The following CADPS2 variants were observed in gnomAD, a reference collection of about 807,000 sequenced individuals.
The protein encoded by CADPS2 is calcium-dependent secretion activator 2.
In CADPS2, 93 loss-of-function variants were observed where a neutral mutation model predicts 172.5. The observed-to-expected ratio is 0.54, with a 90% CI of 0.46 to 0.64. The LOEUF is 0.64. Ranked by LOEUF, CADPS2 falls within the 30% of genes least tolerant of loss-of-function variation. The pLI is 0.00. For synonymous variants in CADPS2, 546 were observed against 555.2 expected, an observed-to-expected ratio of 0.98 and a Z score of 0.23; for missense variants, 1,420 against 1,565.9, an observed-to-expected ratio of 0.91 and a Z score of 1.57.
At chr7:122,541,815 TCATATGTTTATA>T (rs1402225951) in intron 8 of CADPS2, among the ~76,000 whole-genome samples, 10 of 59,700 alleles carry the variant, frequency 1.7e-4, no homozygotes, top group Admixed American at 1.1e-3. Context: ...ATTTATATAT[TCATATGTTTATA>T]TATTCATATG....
chr7:122,557,793 T>C (rs766745209), intron 7 of CADPS2, among the ~76,000 whole-genome samples: 3 of 152,238 alleles, frequency 2.0e-5, no homozygotes, highest in South Asian at 2.1e-4. Context: ...TTCACCAGTA[T>C]AGAACTGTTG....
At chr7:122,704,451 TTAGAGG>T (rs1176416999) in intron 2 of CADPS2, among the ~76,000 whole-genome samples, 31 of 152,136 alleles carry the variant, frequency 2.0e-4, no homozygotes, top group Admixed American at 2.0e-3. Context: ...CATCATCATA[TTAGAGG>T]TAATTTGTTA....
chr7:122,620,152 TTTTC>T (rs1281662295), intron 5 of CADPS2, among the ~76,000 whole-genome samples: 3 of 152,240 alleles, frequency 2.0e-5, no homozygotes, highest in African/African-American at 4.8e-5. Flanking sequence ...CTGTATTTAC[TTTTC>T]TTTGTCAATC....
At chr7:122,666,910 T>C (rs1488885631) in intron 2 of CADPS2, among the ~76,000 whole-genome samples, 1 of 152,088 alleles carries the variant, frequency 6.6e-6, no homozygotes, top group Admixed American at 6.5e-5. Flanking sequence ...CCTGCAACAC[T>C]TCGGTGAACT....
intron 3 of CADPS2, among the ~76,000 whole-genome samples, chr7:122,645,681 A>ATATATATATATATATC (rs796988558): frequency 1.7e-5 from 2 of 116,822 alleles, no homozygotes; most frequent in Admixed American, 9.3e-5. Flanking sequence ...ATATATATAT[A>ATATATATATATATATC]TCTTGGGATT....
At chr7:122,410,884 T>TC (rs1440721956) in intron 19 of CADPS2, among the ~76,000 whole-genome samples, 2 of 152,180 alleles carry the variant, frequency 1.3e-5, no homozygotes, top group Non-Finnish European at 2.9e-5. Flanking sequence ...TCTTACTTAG[T>TC]CCCCCAAACA....
At chr7:122,591,367 C>G (rs1236758757) in intron 6 of CADPS2, among the ~76,000 whole-genome samples, 1 of 152,104 alleles carries the variant, frequency 6.6e-6, no homozygotes, top group Admixed American at 6.6e-5. Context: ...ACATTCCATG[C>G]TCATGGTTAG....
chr7:122,512,549 T>C (rs2060077573), intron 9 of CADPS2, among the ~76,000 whole-genome samples: 1 of 152,110 alleles, frequency 6.6e-6, no homozygotes, highest in Non-Finnish European at 1.5e-5. Context: ...CATGTTCTGA[T>C]AATATATGTT....
chr7:122,623,847 T>G (rs2075828979), intron 4 of CADPS2, among the ~76,000 whole-genome samples: 1 of 152,214 alleles, frequency 6.6e-6, no homozygotes, highest in Non-Finnish European at 1.5e-5. Context: ...ATCTGAAAGT[T>G]CTGATATACT....
intron 3 of CADPS2, among the ~76,000 whole-genome samples, chr7:122,655,979 A>G (rs923308683): frequency 1.3e-5 from 2 of 152,152 alleles, no homozygotes; most frequent in Non-Finnish European, 2.9e-5. Context: ...CTTTTCTTGG[A>G]CTTCTCAGAG....
chr7:122,702,473 C>A (rs373122777), intron 2 of CADPS2: 1 of 1,613,734 alleles, frequency 6.2e-7, no homozygotes, highest in African/African-American at 1.3e-5. Context: ...TTTGGGCCTG[C>A]TGAAATTGGT....
chr7:122,559,608 A>G (rs2065467855), intron 7 of CADPS2, among the ~76,000 whole-genome samples: 1 of 151,906 alleles, frequency 6.6e-6, no homozygotes, highest in African/African-American at 2.4e-5. Flanking sequence ...CGTCTCTACT[A>G]AAAATACAAA....
At chr7:122,486,113 G>T (rs565050457) in intron 11 of CADPS2, among the ~76,000 whole-genome samples, 1 of 152,216 alleles carries the variant, frequency 6.6e-6, no homozygotes, top group African/African-American at 2.4e-5. Context: ...GGAGATTAAT[G>T]TTGTTTTCAT....
intron 1 of CADPS2, among the ~76,000 whole-genome samples, chr7:122,874,984 C>G (rs919387039): frequency 2.0e-5 from 3 of 151,984 alleles, no homozygotes; most frequent in East Asian, 3.8e-4. Context: ...AAACACTGAA[C>G]AAAACAGAAA....
chr7:122,588,252 T>C (rs1315940287), intron 6 of CADPS2, among the ~76,000 whole-genome samples: 3 of 152,164 alleles, frequency 2.0e-5, no homozygotes, highest in African/African-American at 7.2e-5. Context: ...TCTGTTGCAA[T>C]GGCTTTTGTC....
intron 24 of CADPS2, among the ~76,000 whole-genome samples, chr7:122,384,591 G>A (rs767079798): frequency 5.9e-5 from 9 of 152,090 alleles, no homozygotes; most frequent in Non-Finnish European, 1.0e-4. Flanking sequence ...GAGAAAAAGC[G>A]AAGTATAAAA....
At chr7:122,833,688 G>A (rs34509989) in intron 1 of CADPS2, among the ~76,000 whole-genome samples, 28,599 of 151,934 alleles carry the variant, frequency 0.19, 2,808 homozygotes, top group Middle Eastern at 0.27. Flanking sequence ...GAGCCACCAC[G>A]CCTGGCCTTT....
intron 27 of CADPS2, among the ~76,000 whole-genome samples, chr7:122,352,304 T>C (rs143377603): frequency 4.1e-4 from 63 of 152,314 alleles, no homozygotes; most frequent in African/African-American, 1.3e-3. Flanking sequence ...AATTAGAAAA[T>C]ACTACATGAG....
intron 7 of CADPS2, among the ~76,000 whole-genome samples, chr7:122,574,519 T>A (rs1389943969): frequency 6.8e-6 from 1 of 146,178 alleles, no homozygotes; most frequent in African/African-American, 2.5e-5. Flanking sequence ...TGTTAGTTTC[T>A]AAATTCCATC....
Sources: allele counts gnomAD v4.1 joint callset (sites outside exome capture counted in the v4.1 genomes callset), GRCh38; gene constraint gnomAD v4.1.1; transcripts MANE v1.5; gene names NCBI Gene and HGNC (gene_info 2026-07-23, HGNC 2026-07-21).